The following ECM2 variants were observed in gnomAD, a reference collection of about 807,000 sequenced individuals.
The protein encoded by ECM2 is extracellular matrix protein 2.
A neutral mutation model predicts 67.5 loss-of-function variants in ECM2; 57 were observed. The ratio of observed to expected loss-of-function variants is 0.84; its 90% CI spans 0.68 to 1.05. The LOEUF is 1.05. Among genes scored for constraint, ECM2 ranks in the 50% least tolerant of loss-of-function variants. The pLI is 0.00. For missense variants in ECM2, 741 were observed against 822.8 expected, an observed-to-expected ratio of 0.90 and a Z score of 1.22; for synonymous variants, 258 against 294.5, an observed-to-expected ratio of 0.88 and a Z score of 1.27.
intron 1 of ECM2, 35 bp downstream of exon 1, chr9:92,535,898 G>A (rs771536694): frequency 6.6e-6 from 3 of 455,800 alleles, no homozygotes; most frequent in Non-Finnish European, 1.2e-5. Context: ...CATTCCACAT[G>A]CTAAGTAGAA....
At chr9:92,516,143 A>G (rs1588213608) in intron 3 of ECM2, among the ~76,000 whole-genome samples, 1 of 149,166 alleles carries the variant, frequency 6.7e-6, no homozygotes, top group Non-Finnish European at 1.5e-5. Flanking sequence ...GGCTCACTGC[A>G]CCCTCCGCCT....
At chr9:92,543,404 G>A in the ECM2 span, among the ~76,000 whole-genome samples, 1 of 149,270 alleles carries the variant, frequency 6.7e-6, no homozygotes, top group African/African-American at 2.5e-5. Flanking sequence ...CCTGGGAGGT[G>A]GAGGTTGCAG....
At chr9:92,494,488 T>G (rs1846262236), downstream of ECM2, among the ~76,000 whole-genome samples, 1 of 152,212 alleles carries the variant, frequency 6.6e-6, no homozygotes, top group Admixed American at 6.5e-5. Context: ...ATTCTAGTTT[T>G]CTTCCTAACA....
chr9:92,510,557 T>C (rs1312520753), intron 5 of ECM2, among the ~76,000 whole-genome samples: 1 of 152,234 alleles, frequency 6.6e-6, no homozygotes, highest in Non-Finnish European at 1.5e-5. Context: ...TCACAAGCCA[T>C]TCCAATATGG....
chr9:92,513,106 C>G (rs1305170024), intron 4 of ECM2, among the ~76,000 whole-genome samples: 1 of 152,188 alleles, frequency 6.6e-6, no homozygotes, highest in Non-Finnish European at 1.5e-5. Flanking sequence ...ACACCCGTGG[C>G]ATGGGGGCCT....
chr9:92,530,062 A>C (rs927179965), intron 1 of ECM2, among the ~76,000 whole-genome samples: 1 of 152,208 alleles, frequency 6.6e-6, no homozygotes, highest in African/African-American at 2.4e-5. Context: ...GAGATTATTT[A>C]AAGTATACAG....
At chr9:92,534,043 TA>T in intron 1 of ECM2, among the ~76,000 whole-genome samples, 1 of 152,284 alleles carries the variant, frequency 6.6e-6, no homozygotes, top group South Asian at 2.1e-4. Flanking sequence ...TCTTTTAAAC[TA>T]AAAACTTCTT....
the ECM2 span, among the ~76,000 whole-genome samples, chr9:92,553,223 G>C: frequency 6.6e-6 from 1 of 152,094 alleles, no homozygotes; most frequent in Non-Finnish European, 1.5e-5. Flanking sequence ...TTGGCTGTAA[G>C]TATTTGGGTT....
At chr9:92,546,415 C>T in the ECM2 span, among the ~76,000 whole-genome samples, 3 of 152,182 alleles carry the variant, frequency 2.0e-5, no homozygotes, top group East Asian at 1.9e-4. Context: ...TCCACGCTGA[C>T]TTTATGAGCT....
At chr9:92,516,945 C>G (rs1029285040) in intron 3 of ECM2, 1 of 152,240 alleles carries the variant, frequency 6.6e-6, no homozygotes, top group Non-Finnish European at 1.5e-5. Context: ...ATGTCCCTAT[C>G]CCTTCCCAGC....
chr9:92,494,358 G>C (rs762834940), downstream of ECM2, among the ~76,000 whole-genome samples: 2 of 152,146 alleles, frequency 1.3e-5, no homozygotes, highest in Non-Finnish European at 2.9e-5. Context: ...GTTGTTAAAT[G>C]GATGTGTAAC....
chr9:92,495,459 T>A lies in ECM2; in HGVS notation c.*856A>T. 1.4e-5 allele frequency: 14 copies of A among 985,018 alleles called. No individual in the cohort carries two copies. Among genetic ancestry groups the A allele is most frequent in the Non-Finnish European group, 1.7e-5 (14 of 829,622 alleles). 61.0% of individuals were successfully genotyped at this position (985,018 alleles called of 1,614,324 possible). A position where few individuals can be genotyped will look rare whatever the true frequency, so the allele number is the denominator to read the frequency against. Reference sequence around the variant, plus strand: ...GATGCTATGACCAGTGGTGCAAAATTTTTCAAAAATTTATACATTAGATTT... The same window carrying A: ...GATGCTATGACCAGTGGTGCAAAATATTTCAAAAATTTATACATTAGATTT... On this transcript the variant is annotated 3_prime_UTR_variant, in exon 10 of 10. Coordinates refer to ENST00000344604, the MANE Select transcript of ECM2 (RefSeq NM_001393.4).
At chr9:92,499,913 G>A (rs541197283) in intron 9 of ECM2, among the ~76,000 whole-genome samples, 8 of 152,122 alleles carry the variant, frequency 5.3e-5, no homozygotes, top group Non-Finnish European at 1.0e-4. Flanking sequence ...TGCCATCTAG[G>A]CAGGAGTGAT....
intron 1 of ECM2, among the ~76,000 whole-genome samples, chr9:92,535,494 A>G (rs1849112595): frequency 6.6e-6 from 1 of 152,214 alleles, no homozygotes; most frequent in South Asian, 2.1e-4. Context: ...ATTTTTCTTC[A>G]TTTAAAATTT....
intron 4 of ECM2, among the ~76,000 whole-genome samples, chr9:92,513,833 TG>T (rs1847512980): frequency 6.6e-6 from 1 of 152,234 alleles, no homozygotes; most frequent in Admixed American, 6.5e-5. Context: ...ATCTTAATTT[TG>T]GTGGTGGTTA....
chr9:92,514,513 G>T (rs1847560680), intron 4 of ECM2, 118 bp downstream of exon 4: 1 of 1,350,994 alleles, frequency 7.4e-7, no homozygotes. Flanking sequence ...GACCTCAGGT[G>T]ATCTGGCCAC....
At chr9:92,523,681 C>T (rs909138648) in intron 1 of ECM2, among the ~76,000 whole-genome samples, 2 of 152,196 alleles carry the variant, frequency 1.3e-5, no homozygotes, top group Non-Finnish European at 2.9e-5. Flanking sequence ...CTCCTTTGTG[C>T]TTAAACAGCA....
chr9:92,543,729 C>T, the ECM2 span, among the ~76,000 whole-genome samples: 4 of 152,120 alleles, frequency 2.6e-5, no homozygotes, highest in East Asian at 3.9e-4. Context: ...CTTTCATCAG[C>T]GATTTATAGG....
intron 5 of ECM2, among the ~76,000 whole-genome samples, chr9:92,511,207 C>A (rs1463429296): frequency 2.0e-5 from 3 of 152,116 alleles, no homozygotes; most frequent in African/African-American, 7.2e-5. Flanking sequence ...CTCACTGCAA[C>A]CTCCGCCTCC....
Sources: gnomAD v4.1 joint callset for allele counts (sites outside exome capture counted in the v4.1 genomes callset) on GRCh38, gnomAD v4.1.1 for gene constraint, MANE v1.5 for transcripts, NCBI Gene and HGNC (gene_info 2026-07-23, HGNC 2026-07-21) for gene names.